MYO3B: variants seen among roughly 807,000 people sequenced by gnomAD.
MYO3B encodes the protein myosin IIIB.
Under a neutral mutation model 174.6 loss-of-function variants are expected in MYO3B, and 156 were observed. The observed-to-expected ratio is 0.89, with a 90% CI of 0.78 to 1.02. The LOEUF (loss-of-function observed/expected upper bound fraction) is 1.02, where lower values mean the gene tolerates loss of function less well. Ranked by LOEUF, MYO3B falls within the 50% of genes least tolerant of loss-of-function variation. The pLI is 0.00. For missense variants in MYO3B, 1,632 were observed against 1,639.4 expected, an observed-to-expected ratio of 1.00 and a Z score of 0.08; for synonymous variants, 563 against 569.1, an observed-to-expected ratio of 0.99 and a Z score of 0.15.
chr2:170,620,728 G>C (rs540374602), intron 32 of MYO3B, among the ~76,000 whole-genome samples: 1 of 152,306 alleles, frequency 6.6e-6, no homozygotes, highest in Non-Finnish European at 1.5e-5. Context: ...GAAGAACCCT[G>C]AGCTTAGGAA....
intron 32 of MYO3B, among the ~76,000 whole-genome samples, chr2:170,581,852 A>G (rs919934764): frequency 6.6e-6 from 1 of 152,236 alleles, no homozygotes; most frequent in African/African-American, 2.4e-5. Context: ...TTAATAAGCT[A>G]TCTTCTCAGG....
At chr2:170,388,709 C>T (rs969605962) in intron 14 of MYO3B, among the ~76,000 whole-genome samples, 4 of 152,138 alleles carry the variant, frequency 2.6e-5, no homozygotes, top group African/African-American at 7.2e-5. Flanking sequence ...TGAGAGAGAA[C>T]GCTGGCCTAG....
chr2:170,293,885 T>G (rs2093612135), intron 7 of MYO3B, among the ~76,000 whole-genome samples: 1 of 152,136 alleles, frequency 6.6e-6, no homozygotes, highest in Non-Finnish European at 1.5e-5. Context: ...TATCCACTTC[T>G]TGGTTTCAGG....
At chr2:170,315,361 G>T (rs1316615100) in intron 7 of MYO3B, among the ~76,000 whole-genome samples, 1 of 151,356 alleles carries the variant, frequency 6.6e-6, no homozygotes, top group Non-Finnish European at 1.5e-5. Flanking sequence ...GCCCAGGATG[G>T]AGTGCAGTGG....
rs1454651532 is a variant in MYO3B, at chr2:170,316,120, A to C, written c.750-19265A>C. 2.0e-5 allele frequency among the ~76,000 whole-genome samples: 3 copies of C among 152,348 alleles called. No homozygotes were observed. The East Asian group carries it at 5.8e-4, about 29-fold the overall frequency. ...AATTGGCCTAGTATTCCATATTCCC[A>C]TATCTCACAGTGTTATGATCTTCAA... On this transcript the variant is annotated intron_variant, in intron 7 of 34. Coordinates refer to ENST00000408978, the MANE Select transcript of MYO3B (RefSeq NM_138995.5).
intron 32 of MYO3B, among the ~76,000 whole-genome samples, chr2:170,589,770 G>A (rs1693708860): frequency 6.6e-6 from 1 of 152,174 alleles, no homozygotes; most frequent in Non-Finnish European, 1.5e-5. Flanking sequence ...TAAATTTAGT[G>A]TAGTCTAAGT....
At chr2:170,500,258 G>A (rs779694543) in intron 27 of MYO3B, among the ~76,000 whole-genome samples, 4 of 152,224 alleles carry the variant, frequency 2.6e-5, no homozygotes, top group African/African-American at 4.8e-5. Flanking sequence ...AGGGGAGAGG[G>A]AAGTGGAGGA....
chr2:170,434,524 A>G (rs909633398), intron 22 of MYO3B, among the ~76,000 whole-genome samples: 2 of 152,140 alleles, frequency 1.3e-5, no homozygotes, highest in Admixed American at 1.3e-4. Flanking sequence ...ACACAGGCTA[A>G]GCTAATTCTG....
rs1318447655 is a variant in MYO3B at position 170,236,107 on chromosome 2, T to A, written c.720T>A (p.His240Gln). The change falls in exon 7 of 35, where the codon CAT (histidine) becomes CAA (glutamine). Residue 240 changes from histidine to glutamine, a missense_variant. Physicochemically the swap from His to Gln is conservative, Grantham distance 24 (BLOSUM62 0). Transcript: ENST00000408978. ...GDGDPPLFDM[H>Q]PVKTLFKIPR... ...GAGACCCTCCCCTCTTTGACATGCA[T>A]CCTGTGAAAACACTCTTTAAGATTC... 1 of 1,614,174 alleles carries A rather than the reference T, an allele frequency of 6.2e-7. No homozygotes were observed. Among genetic ancestry groups the A allele is most frequent in the Admixed American group, 1.7e-5 (1 of 60,032 alleles).
intron 4 of MYO3B, 23 bp downstream of exon 4, chr2:170,214,506 G>A (rs984314189): frequency 6.2e-7 from 1 of 1,602,662 alleles, no homozygotes; most frequent in Non-Finnish European, 8.5e-7. Flanking sequence ...ATCAAATGGG[G>A]TATGACAGCA....
intron 8 of MYO3B, among the ~76,000 whole-genome samples, chr2:170,364,308 G>A (rs776619635): frequency 3.3e-5 from 5 of 152,034 alleles, no homozygotes; most frequent in Non-Finnish European, 5.9e-5. Context: ...CCTAGCTCTT[G>A]TAAGAACCTT....
intron 22 of MYO3B, among the ~76,000 whole-genome samples, chr2:170,432,576 G>C (rs1574970389): frequency 6.6e-6 from 1 of 150,792 alleles, no homozygotes; most frequent in Non-Finnish European, 1.5e-5. Flanking sequence ...TAAAAAAAAA[G>C]AAATTTTTTT....
rs562391023 is a variant in MYO3B, at chr2:170,281,573, G to A, written c.749+45437G>A. Among the ~76,000 whole-genome samples, 9 of 152,264 alleles carry A rather than the reference G, an allele frequency of 5.9e-5. No homozygotes were observed. In the East Asian group the frequency reaches 1.7e-3, roughly 29 times the overall value. ...GAGAACAAAGATGCAACACACCAGA[G>A]TCTCTGGGACACAGCTAAGGCAGTT... On this transcript the variant is annotated intron_variant, in intron 7 of 34. Coordinates refer to ENST00000408978, the MANE Select transcript of MYO3B (RefSeq NM_138995.5).
intron 32 of MYO3B, among the ~76,000 whole-genome samples, chr2:170,642,116 GT>G (rs1416917791): frequency 6.6e-6 from 1 of 152,018 alleles, no homozygotes; most frequent in African/African-American, 2.4e-5. Flanking sequence ...CCAATTAACC[GT>G]CTGAGAACCA....
At chr2:170,440,939 T>C (rs2094796065) in intron 22 of MYO3B, among the ~76,000 whole-genome samples, 2 of 151,020 alleles carry the variant, frequency 1.3e-5, no homozygotes, top group African/African-American at 4.9e-5. Context: ...GTAGCTGAGA[T>C]TACAGGCGCG....
chr2:170,327,520 C>T (rs899920045), intron 7 of MYO3B, among the ~76,000 whole-genome samples: 1 of 152,150 alleles, frequency 6.6e-6, no homozygotes, highest in Admixed American at 6.5e-5. Flanking sequence ...CTTTCTTAGA[C>T]AGTGGTAATC....
At chr2:170,518,294 A>G (rs886350149) in intron 29 of MYO3B, among the ~76,000 whole-genome samples, 3 of 152,200 alleles carry the variant, frequency 2.0e-5, no homozygotes, top group Admixed American at 6.5e-5. Context: ...AATGTCAACC[A>G]TTTATGCATC....
intron 32 of MYO3B, chr2:170,601,864 A>C: frequency 1.1e-6 from 1 of 878,144 alleles, no homozygotes; most frequent in Non-Finnish European, 1.9e-6. Flanking sequence ...AACATCGCTA[A>C]TAGGCAGGCC....
chr2:170,581,810 TAAC>T (rs1235577640), intron 32 of MYO3B, among the ~76,000 whole-genome samples: 57 of 152,208 alleles, frequency 3.7e-4, no homozygotes, highest in Non-Finnish European at 7.4e-5. Context: ...TATACAATAA[TAAC>T]ATCACACTTT....
Sources: gnomAD v4.1 joint callset for allele counts (sites outside exome capture counted in the v4.1 genomes callset) on GRCh38, gnomAD v4.1.1 for gene constraint, MANE v1.5 for transcripts, NCBI Gene and HGNC (gene_info 2026-07-23, HGNC 2026-07-21) for gene names.